The following NEO1 variants were observed in gnomAD, a reference collection of about 807,000 sequenced individuals.
NEO1 encodes the protein neogenin.
NEO1 carries 63 observed loss-of-function variants against 159.7 expected under a neutral mutation model. That is an observed-to-expected ratio of 0.39 (90% CI 0.32 to 0.49). The LOEUF is 0.49. NEO1 is among the 20% of genes least tolerant of loss of function. NEO1 has a pLI of 0.85. For missense variants in NEO1, 1,615 were observed against 1,831.0 expected, an observed-to-expected ratio of 0.88 and a Z score of 2.15; for synonymous variants, 633 against 662.0, an observed-to-expected ratio of 0.96 and a Z score of 0.67.
intron 1 of NEO1, among the ~76,000 whole-genome samples, chr15:73,071,503 A>T (rs1386064236): frequency 6.6e-6 from 1 of 151,974 alleles, no homozygotes; most frequent in Non-Finnish European, 1.5e-5. Context: ...GTTGCTATTT[A>T]TTCACTTAGA....
chr15:73,251,513 CAAAA>C (rs35979398), intron 11 of NEO1, among the ~76,000 whole-genome samples: 2 of 94,412 alleles, frequency 2.1e-5, no homozygotes, highest in Non-Finnish European at 4.1e-5. Flanking sequence ...GAAGCTGTCT[CAAAA>C]AAAAAAAAAA....
intron 5 of NEO1, among the ~76,000 whole-genome samples, chr15:73,145,504 A>G (rs2032816128): frequency 6.6e-6 from 1 of 152,226 alleles, no homozygotes; most frequent in Admixed American, 6.5e-5. Flanking sequence ...ATGTATATTT[A>G]GTGGCAAAAA....
intron 7 of NEO1, among the ~76,000 whole-genome samples, chr15:73,191,929 A>T (rs17762516): frequency 0.34 from 52,369 of 151,864 alleles, 9,810 homozygotes; most frequent in Admixed American, 0.46. Flanking sequence ...TCAGAAATAA[A>T]TTGTTGAGCA....
At chr15:73,260,925 T>G (rs1047430693) in intron 15 of NEO1, among the ~76,000 whole-genome samples, 16 of 152,200 alleles carry the variant, frequency 1.1e-4, no homozygotes, top group African/African-American at 3.9e-4. Context: ...CCCATTACAC[T>G]TTCACTCCCT....
chr15:73,127,662 G>A (rs1596075631), intron 4 of NEO1, among the ~76,000 whole-genome samples: 1 of 152,292 alleles, frequency 6.6e-6, no homozygotes, highest in Non-Finnish European at 1.5e-5. Flanking sequence ...ATTTAAAAAT[G>A]TCTTACAGCC....
intron 7 of NEO1, among the ~76,000 whole-genome samples, chr15:73,231,680 C>T (rs374716145): frequency 6.6e-5 from 10 of 152,278 alleles, no homozygotes; most frequent in African/African-American, 2.4e-4. Flanking sequence ...CATGATTGTG[C>T]CACTGCACTC....
chr15:73,298,552 C>T lies in NEO1; in HGVS notation c.4106C>T (p.Pro1369Leu). 1.2e-6 allele frequency: 2 copies of T among 1,614,240 alleles called. No individual in the cohort carries two copies. The highest frequency in any genetic ancestry group is 1.7e-6 in the Non-Finnish European group (2 of 1,180,050). ...LKSFAVPAIP[P>L]PGPPTYDPAL... ...AGCTTCGCCGTGCCAGCAATCCCGC[C>T]TCCAGGACCTCCCACCTATGATCCT... The change falls in exon 27 of 29, where the codon CCT (proline) becomes CTT (leucine). Residue 1369 changes from proline to leucine, a missense_variant. Around this residue, in one of 3 missense-constraint regions of NEO1, gnomAD observed 471 missense variants for 498.9 expected, o/e 0.94. Transcript: ENST00000261908.
At chr15:73,217,022 G>T (rs2037932339) in intron 7 of NEO1, among the ~76,000 whole-genome samples, 1 of 152,058 alleles carries the variant, frequency 6.6e-6, no homozygotes, top group African/African-American at 2.4e-5. Context: ...TGTCCTGAAT[G>T]GTAATGCCTA....
chr15:73,278,631 G>A (rs1567677238), intron 22 of NEO1, among the ~76,000 whole-genome samples: 1 of 152,190 alleles, frequency 6.6e-6, no homozygotes, highest in Non-Finnish European at 1.5e-5. Flanking sequence ...TAGCCATCCT[G>A]AGAGCTGGTG....
Position 73,052,583 on chromosome 15 carries a change from T to G in NEO1, c.-93T>G. On this transcript the variant is annotated 5_prime_UTR_variant, in exon 1 of 29. Coordinates refer to ENST00000261908, the MANE Select transcript of NEO1 (RefSeq NM_002499.4). ...CAGCGGCGGCCGCGGGAGCCGAGCT[T>G]GCAGCGAGGGACCGGCTGAGGCGCG... 1.3e-6 allele frequency: 1 copy of G among 796,948 alleles called. No individual in the cohort carries two copies. Among genetic ancestry groups the G allele is most frequent in the East Asian group, 5.3e-5 (1 of 18,986 alleles). 49.4% of individuals were successfully genotyped at this position (796,948 alleles called of 1,614,324 possible). A position where few individuals can be genotyped will look rare whatever the true frequency, so the allele number is the denominator to read the frequency against.
intron 4 of NEO1, among the ~76,000 whole-genome samples, chr15:73,130,312 C>T (rs1209750235): frequency 6.7e-6 from 1 of 149,136 alleles, no homozygotes; most frequent in East Asian, 2.0e-4. Context: ...TTTCCCGCCC[C>T]CCCCGCCGCA....
chr15:73,286,305 T>TA (rs1365958686), intron 23 of NEO1, among the ~76,000 whole-genome samples: 1 of 152,232 alleles, frequency 6.6e-6, no homozygotes, highest in African/African-American at 2.4e-5. Context: ...GTTCTCATCT[T>TA]AGTCTCTCAG....
Position 73,270,248 on chromosome 15 carries a change from G to A in NEO1, c.2718+15G>A. 6.2e-7 allele frequency: 1 copy of A among 1,613,736 alleles called. No individual in the cohort carries two copies. Among genetic ancestry groups the A allele is most frequent in the Non-Finnish European group, 8.5e-7 (1 of 1,179,726 alleles). ...CCAAGTACAAGGTACTGACACATTT[G>A]CCCTGGCTGAAAAAAGCTAATCATT... On this transcript the variant is annotated intron_variant, in intron 17 of 28. Coordinates refer to ENST00000261908, the MANE Select transcript of NEO1 (RefSeq NM_002499.4).
chr15:73,067,604 C>G (rs1371639633), intron 1 of NEO1, among the ~76,000 whole-genome samples: 1 of 149,708 alleles, frequency 6.7e-6, no homozygotes, highest in African/African-American at 2.5e-5. Flanking sequence ...CGCCTGCCAC[C>G]ACGCCCAGCT....
At position 73,254,732 on chromosome 15, in the gene NEO1, G is replaced by A; in HGVS notation, c.1995G>A (p.Gln665=). The A allele has an allele frequency of 6.2e-7, 1 of 1,614,086 alleles. No individual in the cohort carries two copies. Among genetic ancestry groups the A allele is most frequent in the Non-Finnish European group, 8.5e-7 (1 of 1,179,976 alleles). The change falls in exon 13 of 29, where the codon CAG becomes CAA. Residue 665 remains glutamine, a synonymous_variant. Coordinates refer to ENST00000261908, the MANE Select transcript of NEO1 (RefSeq NM_002499.4). ...CTGCTCCAGCCACACAAAATGGGCA[G>A]ATTACTGGCTACAAGATTCGCTACC... ...QPPAPATQNG[Q]ITGYKIRYRK... is the part of the protein sequence containing the mutation.
At chr15:73,274,792 G>GT in intron 21 of NEO1, 68 bp downstream of exon 21, 32 of 1,210,630 alleles carry the variant, frequency 2.6e-5, no homozygotes, top group Middle Eastern at 2.8e-4. Context: ...TTTGGTTTTT[G>GT]TTTCTTTTTT....
At chr15:73,131,429 G>A (rs537981120) in intron 4 of NEO1, among the ~76,000 whole-genome samples, 4 of 152,308 alleles carry the variant, frequency 2.6e-5, no homozygotes, top group Middle Eastern at 3.4e-3. Context: ...AAATTAAACA[G>A]TTTTCTTTTT....
intron 7 of NEO1, among the ~76,000 whole-genome samples, chr15:73,203,904 T>A (rs943987136): frequency 6.6e-6 from 1 of 152,032 alleles, no homozygotes; most frequent in Non-Finnish European, 1.5e-5. Flanking sequence ...TATTTTACCT[T>A]TGCTTTTTCC....
chr15:73,260,309 C>T lies in NEO1; in HGVS notation c.2242C>T (p.Arg748Cys). 3 of 1,613,986 alleles carry T rather than the reference C, an allele frequency of 1.9e-6. No individual in the cohort carries two copies. Among genetic ancestry groups the T allele is most frequent in the Non-Finnish European group, 2.5e-6 (3 of 1,179,954 alleles). ...VPEVPSSLHV[R>C]PLVTSIVVSW... is the part of the protein sequence containing the mutation. ...TGAAGTGCCTAGCTCTCTTCACGTACGCCCGCTCGTTACTAGCATCGTAGT... is the reference window on the plus strand; with the variant it reads ...TGAAGTGCCTAGCTCTCTTCACGTATGCCCGCTCGTTACTAGCATCGTAGT... Residue 748 changes from arginine to cysteine, a missense_variant, in exon 15 of 29, where the codon CGC becomes TGC. Transcript: ENST00000261908.
Sources: allele counts gnomAD v4.1 joint callset (sites outside exome capture counted in the v4.1 genomes callset), GRCh38; gene constraint gnomAD v4.1.1; regional missense constraint gnomAD v4.1.1; transcripts MANE v1.5; gene names NCBI Gene and HGNC (gene_info 2026-07-23, HGNC 2026-07-21).